Variants in THSD7A observed in about 807,000 individuals in gnomAD.
THSD7A encodes thrombospondin type-1 domain-containing protein 7A.
In THSD7A, 96 loss-of-function variants were observed where a neutral mutation model predicts 231.3. The ratio of observed to expected loss-of-function variants is 0.41; its 90% CI spans 0.35 to 0.49. THSD7A has a LOEUF of 0.49. Among genes scored for constraint, THSD7A ranks in the 20% least tolerant of loss-of-function variants. The probability of loss-of-function intolerance (pLI) is 0.05; values close to 1 mark genes in which losing one functional copy is unlikely to be tolerated. For synonymous variants in THSD7A, 940 were observed against 743.3 expected, an observed-to-expected ratio of 1.26 and a Z score of -4.30; for missense variants, 2,290 against 2,070.2, an observed-to-expected ratio of 1.11 and a Z score of -2.06.
intron 1 of THSD7A, among the ~76,000 whole-genome samples, chr7:11,678,923 A>C (rs991610853): frequency 6.6e-6 from 1 of 152,086 alleles, no homozygotes; most frequent in Admixed American, 6.6e-5. Context: ...CAATATCCCT[A>C]ATGAACATCA....
intron 6 of THSD7A, among the ~76,000 whole-genome samples, chr7:11,524,893 T>C (rs1416083391): frequency 6.6e-6 from 1 of 152,250 alleles, no homozygotes; most frequent in African/African-American, 2.4e-5. Context: ...AGGCTTTTTG[T>C]TCTTTTTCCT....
intron 1 of THSD7A, among the ~76,000 whole-genome samples, chr7:11,809,245 T>G (rs1378807707): frequency 1.3e-5 from 2 of 152,128 alleles, no homozygotes; most frequent in Admixed American, 1.3e-4. Context: ...AGGCACACAC[T>G]GAATGCACAG....
chr7:11,373,106 G>T lies in THSD7A; in HGVS notation c.*2688C>A, dbSNP rs1328589964. On this transcript the variant is annotated 3_prime_UTR_variant, in exon 28 of 28. Coordinates refer to ENST00000423059, the MANE Select transcript of THSD7A (RefSeq NM_015204.3). ...ATATATATATGCATGCATATATGCT[G>T]TAAAATCTAATTAATTTATGAATAA... The T allele has an allele frequency of 1.3e-5, 2 of 150,844 alleles. No individual in the cohort carries two copies. The highest frequency in any genetic ancestry group is 3.0e-5 in the Non-Finnish European group (2 of 67,732). 9.3% of individuals were successfully genotyped at this position (150,844 alleles called of 1,614,324 possible). A position where few individuals can be genotyped will look rare whatever the true frequency, so the allele number is the denominator to read the frequency against.
chr7:11,660,995 G>C lies in THSD7A; in HGVS notation c.191-24034C>G, dbSNP rs550306892. ...GATTTGTCTCAACTTTTACCCTGGA[G>C]GTATTTCCCAATTATTAAACTATGG... On this transcript the variant is annotated intron_variant, in intron 1 of 27. Coordinates refer to ENST00000423059, the MANE Select transcript of THSD7A (RefSeq NM_015204.3). Among the ~76,000 whole-genome samples, 6 of 151,462 alleles carry C rather than the reference G, an allele frequency of 4.0e-5. No individual in the cohort carries two copies. In the South Asian group the frequency reaches 1.2e-3, roughly 31 times the overall value.
At chr7:11,714,521 T>C (rs1781071921) in intron 1 of THSD7A, among the ~76,000 whole-genome samples, 1 of 151,260 alleles carries the variant, frequency 6.6e-6, no homozygotes, top group Non-Finnish European at 1.5e-5. Context: ...TAGTGTAAAA[T>C]AATGCATGAT....
intron 24 of THSD7A, among the ~76,000 whole-genome samples, chr7:11,379,919 T>C (rs993705801): frequency 1.2e-4 from 19 of 152,302 alleles, no homozygotes; most frequent in Non-Finnish European, 2.8e-4. Context: ...GCTAGCTCAG[T>C]GCCTGGTACT....
At chr7:11,758,923 G>A (rs142471844) in intron 1 of THSD7A, among the ~76,000 whole-genome samples, 1 of 152,036 alleles carries the variant, frequency 6.6e-6, no homozygotes, top group Non-Finnish European at 1.5e-5. Context: ...CATGAAAGCA[G>A]GCAGCAGGCT....
At chr7:11,776,624 T>A (rs1036110036) in intron 1 of THSD7A, among the ~76,000 whole-genome samples, 2 of 152,194 alleles carry the variant, frequency 1.3e-5, no homozygotes, top group Non-Finnish European at 2.9e-5. Flanking sequence ...TTATAAAACT[T>A]GAATTTTGTC....
chr7:11,501,185 G>T (rs1018676037), intron 6 of THSD7A, among the ~76,000 whole-genome samples: 1 of 152,154 alleles, frequency 6.6e-6, no homozygotes, highest in Non-Finnish European at 1.5e-5. Context: ...AATAGTGGGA[G>T]ACTTCAACAC....
intron 1 of THSD7A, among the ~76,000 whole-genome samples, chr7:11,686,621 G>GGTATATACACACT (rs1323438390): frequency 1.3e-5 from 2 of 151,766 alleles, no homozygotes; most frequent in Non-Finnish European, 1.5e-5. Context: ...AAGAAAATCT[G>GGTATATACACACT]GTATATACAC....
intron 4 of THSD7A, among the ~76,000 whole-genome samples, chr7:11,569,717 TC>T (rs1420965239): frequency 1.3e-5 from 2 of 152,208 alleles, no homozygotes; most frequent in Non-Finnish European, 2.9e-5. Flanking sequence ...GATACCTGCA[TC>T]CCCATGTTTA....
At chr7:11,717,487 A>G (rs1244813320) in intron 1 of THSD7A, among the ~76,000 whole-genome samples, 2 of 151,630 alleles carry the variant, frequency 1.3e-5, no homozygotes, top group African/African-American at 4.8e-5. Flanking sequence ...TGGGGAAAGG[A>G]GTAAATTTAA....
chr7:11,775,629 G>A (rs781153570), intron 1 of THSD7A, among the ~76,000 whole-genome samples: 1 of 152,120 alleles, frequency 6.6e-6, no homozygotes, highest in African/African-American at 2.4e-5. Context: ...GAAGTACCTA[G>A]AATAGTCAAA....
chr7:11,799,453 A>G (rs900363849), intron 1 of THSD7A, among the ~76,000 whole-genome samples: 3 of 152,234 alleles, frequency 2.0e-5, no homozygotes, highest in African/African-American at 7.2e-5. Flanking sequence ...CTTCAAAACC[A>G]CATTAGTAAA....
chr7:11,653,136 G>T (rs1021041834), intron 1 of THSD7A, among the ~76,000 whole-genome samples: 2 of 151,636 alleles, frequency 1.3e-5, no homozygotes, highest in Non-Finnish European at 2.9e-5. Flanking sequence ...TGCCATACAG[G>T]TTTTAACTAC....
intron 22 of THSD7A, among the ~76,000 whole-genome samples, chr7:11,402,348 A>G (rs889362896): frequency 3.9e-5 from 6 of 152,228 alleles, no homozygotes; most frequent in African/African-American, 1.4e-4. Context: ...AAGAAAGCCT[A>G]AATATAAACA....
intron 16 of THSD7A, among the ~76,000 whole-genome samples, chr7:11,420,313 T>C (rs1458551907): frequency 6.6e-6 from 1 of 152,206 alleles, no homozygotes; most frequent in Non-Finnish European, 1.5e-5. Flanking sequence ...ATGGCTCCAC[T>C]GCTCTGTGCA....
chr7:11,412,800 G>C lies in THSD7A; in HGVS notation c.3538C>G (p.Pro1180Ala). Residue 1180 changes from proline (P) to alanine (A), a missense_variant and splice_region_variant, in exon 18 of 28, where the codon CCT becomes GCT. By Grantham distance (27) the Pro-to-Ala change is conservative. Transcript: ENST00000423059. The stretch of plus-strand genomic sequence containing the variant: ...TGCCGGAAACTGCTTTGATTGCAAG[G>C]CTTAAAAAGAACAGTACAAATTCTC... ...EWGPWTQCVL[P>A]CNQSSFRQRS... The C allele has an allele frequency of 6.2e-7, 1 of 1,610,162 alleles. No homozygotes were observed. Among genetic ancestry groups the C allele is most frequent in the Non-Finnish European group, 8.5e-7 (1 of 1,177,886 alleles).
intron 11 of THSD7A, among the ~76,000 whole-genome samples, chr7:11,448,249 A>G (rs1380124911): frequency 6.6e-6 from 1 of 152,162 alleles, no homozygotes; most frequent in Non-Finnish European, 1.5e-5. Context: ...GAGAAATAAT[A>G]TTTTTACCTA....
Sources: allele counts gnomAD v4.1 joint callset (sites outside exome capture counted in the v4.1 genomes callset), GRCh38; gene constraint gnomAD v4.1.1; transcripts MANE v1.5; gene names NCBI Gene and HGNC (gene_info 2026-07-23, HGNC 2026-07-21).